The following SDK1 variants were observed in gnomAD, a reference collection of about 807,000 sequenced individuals.
SDK1 encodes the protein sidekick cell adhesion molecule 1.
A neutral mutation model predicts 245.5 loss-of-function variants in SDK1; 157 were observed. That is an observed-to-expected ratio of 0.64 (90% confidence interval 0.56 to 0.73). The LOEUF (loss-of-function observed/expected upper bound fraction) is 0.73. SDK1 is among the 30% of genes least tolerant of loss of function. SDK1 has a pLI of 0.00. For missense variants in SDK1, 3,583 were observed against 3,002.3 expected (o/e 1.19, Z -4.52); for synonymous variants, 1,647 against 1,278.5 (o/e 1.29, Z -6.15).
At chr7:4,180,602 A>T (rs1175766065) in intron 35 of SDK1, among the ~76,000 whole-genome samples, 2 of 152,230 alleles carry the variant, frequency 1.3e-5, no homozygotes, top group Non-Finnish European at 2.9e-5. Context: ...TCCTTCTCAC[A>T]CTGCTGTAAA....
intron 7 of SDK1, among the ~76,000 whole-genome samples, chr7:3,953,119 A>G (rs1780962978): frequency 6.6e-6 from 1 of 151,778 alleles, no homozygotes; most frequent in Admixed American, 6.6e-5. Context: ...GAAAACCCTC[A>G]GAGAGCCCCT....
chr7:3,892,244 T>C (rs1191446621), intron 5 of SDK1, among the ~76,000 whole-genome samples: 1 of 152,190 alleles, frequency 6.6e-6, no homozygotes, highest in Non-Finnish European at 1.5e-5. Context: ...TTCTCAAATC[T>C]CCATGGCTTC....
intron 1 of SDK1, among the ~76,000 whole-genome samples, chr7:3,373,648 G>A (rs1294576167): frequency 1.5e-5 from 2 of 134,336 alleles, no homozygotes. Flanking sequence ...TTTTTTTTTT[G>A]GATGTGCGAT....
At chr7:3,733,936 C>G (rs1009116659) in intron 4 of SDK1, among the ~76,000 whole-genome samples, 22 of 152,156 alleles carry the variant, frequency 1.4e-4, no homozygotes, top group African/African-American at 5.3e-4. Context: ...TCTCCAAAGA[C>G]TGAGCCCGGA....
intron 1 of SDK1, among the ~76,000 whole-genome samples, chr7:3,466,110 A>G (rs7796564): frequency 0.16 from 24,444 of 151,816 alleles, 2,034 homozygotes; most frequent in South Asian, 0.22. Flanking sequence ...GACTACTACC[A>G]TGTGGAGCAG....
chr7:4,134,704 C>G (rs1433919837), intron 28 of SDK1: 5 of 152,354 alleles, frequency 3.3e-5, no homozygotes, highest in African/African-American at 9.6e-5. Flanking sequence ...ACCCTCCCGG[C>G]AAGTCCTCAC....
chr7:3,814,957 C>G (rs1461180848), intron 4 of SDK1, among the ~76,000 whole-genome samples: 1 of 150,520 alleles, frequency 6.6e-6, no homozygotes, highest in Non-Finnish European at 1.5e-5. Flanking sequence ...TTTTGTACAT[C>G]GATTTTGTAT....
At position 4,265,149 on chromosome 7, in the gene SDK1, C is replaced by A; in HGVS notation, c.6407C>A (p.Ala2136Glu). The A allele has an allele frequency of 6.2e-7, 1 of 1,612,230 alleles. No homozygotes were observed. Among genetic ancestry groups the A allele is most frequent in the African/African-American group, 1.3e-5 (1 of 75,046 alleles). ...GCCACGGACTCTGACTACGAGGACG[C>A]GCTGCCCAAGCACTCCTTCGTGAAC... is the stretch of plus-strand genomic sequence containing the variant. ...SEATDSDYED[A>E]LPKHSFVNHY... The change falls in exon 45 of 45, where the codon GCG becomes GAG. Residue 2136 changes from alanine to glutamate, a missense_variant. By Grantham distance (107) the Ala-to-Glu change is moderately radical. Transcript: ENST00000404826.
chr7:4,230,893 C>T (rs1260272479), intron 40 of SDK1, among the ~76,000 whole-genome samples: 1 of 152,160 alleles, frequency 6.6e-6, no homozygotes, highest in African/African-American at 2.4e-5. Context: ...CATCCCCTGT[C>T]CACAGGCTGT....
At chr7:3,377,581 C>G (rs1000030580) in intron 1 of SDK1, among the ~76,000 whole-genome samples, 1 of 151,994 alleles carries the variant, frequency 6.6e-6, no homozygotes, top group South Asian at 2.1e-4. Context: ...CACGACTCCC[C>G]GTCTCTGTGT....
chr7:3,371,787 C>T (rs1169653742), intron 1 of SDK1, among the ~76,000 whole-genome samples: 1 of 152,164 alleles, frequency 6.6e-6, no homozygotes, highest in Non-Finnish European at 1.5e-5. Flanking sequence ...CTGAAGTCAT[C>T]TGGAAAACCA....
At chr7:3,414,390 G>T (rs1195283816) in intron 1 of SDK1, among the ~76,000 whole-genome samples, 1 of 152,122 alleles carries the variant, frequency 6.6e-6, no homozygotes, top group East Asian at 1.9e-4. Context: ...TTCTGTCATG[G>T]TGCCTGGAGT....
At chr7:3,601,359 T>C (rs1167712972) in intron 1 of SDK1, among the ~76,000 whole-genome samples, 1 of 152,186 alleles carries the variant, frequency 6.6e-6, no homozygotes, top group Non-Finnish European at 1.5e-5. Context: ...AGAATTTTTA[T>C]TGAGAAGCTT....
intron 17 of SDK1, among the ~76,000 whole-genome samples, chr7:4,024,820 T>TTTTTTG (rs1478095705): frequency 3.3e-5 from 5 of 152,204 alleles, no homozygotes; most frequent in African/African-American, 7.2e-5. Context: ...ACAGTTTATG[T>TTTTTTG]TTTTTGTTTT....
chr7:4,111,252 C>T lies in SDK1; in HGVS notation c.3434+480C>T, dbSNP rs904442976. Among the ~76,000 whole-genome samples the T allele has an allele frequency of 7.2e-5, 11 of 152,246 alleles. 1 individual carries two copies. Among genetic ancestry groups the T allele is most frequent in the African/African-American group, 1.4e-4 (6 of 41,544 alleles). ...ATTTAACCTTTAGCTTCTTGAACCCCGAAACTGATCCGGGCAGTAAATCCT... is the reference window on the plus strand; with the variant it reads ...ATTTAACCTTTAGCTTCTTGAACCCTGAAACTGATCCGGGCAGTAAATCCT... On this transcript the variant is annotated intron_variant, in intron 23 of 44. Coordinates refer to ENST00000404826, the MANE Select transcript of SDK1 (RefSeq NM_152744.4).
chr7:3,382,057 T>C (rs1781502496), intron 1 of SDK1, among the ~76,000 whole-genome samples: 1 of 152,202 alleles, frequency 6.6e-6, no homozygotes, highest in Non-Finnish European at 1.5e-5. Flanking sequence ...ACACCTTCCC[T>C]ATGCACAAGA....
intron 4 of SDK1, among the ~76,000 whole-genome samples, chr7:3,798,823 C>G (rs373123084): frequency 5.3e-5 from 8 of 152,190 alleles, no homozygotes; most frequent in African/African-American, 1.9e-4. Flanking sequence ...CACATTAAAA[C>G]TACCACAAAA....
rs551701819 is a variant in SDK1 at position 4,208,273 on chromosome 7, A to T, written c.5389A>T (p.Thr1797Ser). ...GPKSDPQQGR[T>S]HQAAPGAPSF... The stretch of plus-strand genomic sequence containing the variant: ...TAAGAGTGACCCCCAGCAGGGGCGC[A>T]CCCACCAGGCCGGTAGGAGGAAGGC... The change falls in exon 37 of 45, where the codon ACC becomes TCC. Residue 1797 changes from threonine (T) to serine (S), a missense_variant. By Grantham distance (58) the Thr-to-Ser change is moderately conservative. Transcript: ENST00000404826. 1 of 1,612,766 alleles carries T rather than the reference A, an allele frequency of 6.2e-7. No homozygotes were observed. The highest frequency in any genetic ancestry group is 1.1e-5 in the South Asian group (1 of 90,950).
In SDK1 at chr7:4,052,673, A is replaced by G. The variant is rs139478257; in HGVS notation, c.2911+843A>G. Reference sequence around the variant, plus strand: ...GACCTTGGAAGAAATACGTCACACAAATTTAAGACTTGTTATCCCTATGTG... The same window carrying G: ...GACCTTGGAAGAAATACGTCACACAGATTTAAGACTTGTTATCCCTATGTG... On this transcript the variant is annotated intron_variant, in intron 19 of 44. Transcript: ENST00000404826. Among the ~76,000 whole-genome samples the G allele has an allele frequency of 7.9e-3, 1,204 of 152,296 alleles. 19 individuals carry two copies. The highest frequency in any genetic ancestry group is 0.027 in the African/African-American group (1,134 of 41,566).
Sources: allele counts gnomAD v4.1 joint callset (sites outside exome capture counted in the v4.1 genomes callset), GRCh38; gene constraint gnomAD v4.1.1; transcripts MANE v1.5; gene names NCBI Gene and HGNC (gene_info 2026-07-23, HGNC 2026-07-21).